OSBPL9: variants seen among roughly 807,000 people sequenced by gnomAD.
OSBPL9 encodes oxysterol binding protein like 9, also known as oxysterol-binding protein-related protein 9.
A neutral mutation model predicts 106.6 loss-of-function variants in OSBPL9; 40 were observed. The ratio of observed to expected loss-of-function variants is 0.38; its 90% CI spans 0.29 to 0.49. The LOEUF is 0.49. Among genes scored for constraint, OSBPL9 ranks in the 20% least tolerant of loss-of-function variants. The pLI is 0.97. For missense variants in OSBPL9, 609 were observed against 887.2 expected (o/e 0.69, Z 3.98); for synonymous variants, 269 against 295.4 (o/e 0.91, Z 0.92).
intron 1 of OSBPL9, among the ~76,000 whole-genome samples, chr1:51,587,319 C>T (rs909205648): frequency 1.9e-4 from 29 of 152,114 alleles, no homozygotes; most frequent in African/African-American, 6.8e-4. Flanking sequence ...GAGCTGAGAT[C>T]GTGCCACTGC....
intron 4 of OSBPL9, among the ~76,000 whole-genome samples, chr1:51,715,877 AC>A (rs1660962323): frequency 6.6e-6 from 1 of 151,662 alleles, no homozygotes; most frequent in Non-Finnish European, 1.5e-5. Context: ...TCTTCTATGA[AC>A]CCTCTGCCGA....
intron 8 of OSBPL9, among the ~76,000 whole-genome samples, chr1:51,753,219 T>TA (rs1669637492): frequency 6.6e-6 from 1 of 152,172 alleles, no homozygotes; most frequent in Non-Finnish European, 1.5e-5. Context: ...TGCATAGTCT[T>TA]AAAGAGCGTG....
At chr1:51,786,049 C>A (rs1677543380) in intron 21 of OSBPL9, 163 bp downstream of exon 21, 2 of 618,842 alleles carry the variant, frequency 3.2e-6, no homozygotes, top group South Asian at 3.8e-5. Context: ...CTCTTCAGGG[C>A]AAGCTTTTTC....
At chr1:51,643,286 T>C (rs1486628520) in intron 1 of OSBPL9, among the ~76,000 whole-genome samples, 1 of 152,146 alleles carries the variant, frequency 6.6e-6, no homozygotes, top group Non-Finnish European at 1.5e-5. Flanking sequence ...GATTTTATTT[T>C]CCCACAGTAT....
intron 2 of OSBPL9, among the ~76,000 whole-genome samples, chr1:51,661,699 C>T (rs1647166306): frequency 1.3e-5 from 2 of 152,104 alleles, no homozygotes; most frequent in African/African-American, 4.8e-5. Context: ...GTTAGTATAA[C>T]AAATAACTTT....
In OSBPL9 at chr1:51,782,645, T is replaced by C; in HGVS notation, c.1513+2T>C. 1 of 1,613,642 alleles carries C rather than the reference T, an allele frequency of 6.2e-7. No individual in the cohort carries two copies. Among genetic ancestry groups the C allele is most frequent in the Non-Finnish European group, 8.5e-7 (1 of 1,179,618 alleles). On this transcript the variant is annotated splice_donor_variant, in intron 17 of 23. Transcript: ENST00000428468. LOFTEE classifies it high-confidence loss of function. ...AGCAGGTTTCCCATCATCCACCCAG[T>C]AAGTTACAGAGCTCCTCTGCAACCT...
chr1:51,726,615 C>G lies in OSBPL9; in HGVS notation c.318+12536C>G, dbSNP rs200512674. Among the ~76,000 whole-genome samples, 8 of 150,646 alleles carry G rather than the reference C, an allele frequency of 5.3e-5. No individual in the cohort carries two copies. The East Asian group carries it at 1.5e-3, about 29-fold the overall frequency. On this transcript the variant is annotated intron_variant, in intron 4 of 23. Coordinates refer to ENST00000428468, the MANE Select transcript of OSBPL9 (RefSeq NM_024586.6). ...ATAGGCACGGCCTATTTTTTTTTTG[C>G]TCAACAGTCTAAAATAGTAATTTAA...
At chr1:51,748,877 G>A (rs1030306524) in intron 7 of OSBPL9, among the ~76,000 whole-genome samples, 1 of 152,022 alleles carries the variant, frequency 6.6e-6, no homozygotes, top group Non-Finnish European at 1.5e-5. Context: ...CCTGAGGTTG[G>A]GAGTTCCAGA....
chr1:51,601,030 A>G (rs1219364687), intron 2 of OSBPL9, among the ~76,000 whole-genome samples: 1 of 152,134 alleles, frequency 6.6e-6, no homozygotes, highest in African/African-American at 2.4e-5. Flanking sequence ...TTAATTTTTT[A>G]TTTGTTCAGT....
intron 3 of OSBPL9, among the ~76,000 whole-genome samples, chr1:51,713,401 C>T (rs531111152): frequency 2.6e-5 from 4 of 152,256 alleles, no homozygotes; most frequent in African/African-American, 9.6e-5. Context: ...CCGCCCGCCT[C>T]AGCCTCCCAA....
At chr1:51,594,264 A>AAATT (rs1403055073) in intron 1 of OSBPL9, among the ~76,000 whole-genome samples, 3 of 152,032 alleles carry the variant, frequency 2.0e-5, no homozygotes, top group Non-Finnish European at 4.4e-5. Flanking sequence ...ATAAATAAAT[A>AAATT]GCCGGGCGTG....
intron 4 of OSBPL9, among the ~76,000 whole-genome samples, chr1:51,716,201 A>G (rs775635947): frequency 6.6e-6 from 1 of 152,258 alleles, no homozygotes; most frequent in Non-Finnish European, 1.5e-5. Flanking sequence ...CATTTAATGC[A>G]TGGAGAAGAT....
At chr1:51,774,083 G>A (rs565539982) in intron 14 of OSBPL9, among the ~76,000 whole-genome samples, 3 of 152,166 alleles carry the variant, frequency 2.0e-5, no homozygotes, top group South Asian at 2.1e-4. Flanking sequence ...ACTGGCAAGG[G>A]GGAGGCTAAA....
At chr1:51,667,818 G>T (rs1430785990) in intron 2 of OSBPL9, among the ~76,000 whole-genome samples, 2 of 152,120 alleles carry the variant, frequency 1.3e-5, no homozygotes, top group Non-Finnish European at 2.9e-5. Flanking sequence ...TGGTGATCTG[G>T]TACTGGTTCT....
At chr1:51,661,855 G>A (rs1310052224) in intron 2 of OSBPL9, among the ~76,000 whole-genome samples, 1 of 152,198 alleles carries the variant, frequency 6.6e-6, no homozygotes, top group African/African-American at 2.4e-5. Flanking sequence ...AATGGTGGTA[G>A]GAGAGAAATT....
chr1:51,742,408 T>C (rs1251625794), intron 4 of OSBPL9, among the ~76,000 whole-genome samples: 4 of 152,136 alleles, frequency 2.6e-5, no homozygotes, highest in Admixed American at 6.5e-5. Context: ...TAAAGGACTA[T>C]ATTCTTAGTC....
intron 12 of OSBPL9, among the ~76,000 whole-genome samples, chr1:51,771,805 A>G (rs1047630407): frequency 2.6e-5 from 4 of 152,220 alleles, no homozygotes; most frequent in Non-Finnish European, 5.9e-5. Flanking sequence ...ATACCCAGTA[A>G]CAAAATCATA....
intron 2 of OSBPL9, among the ~76,000 whole-genome samples, chr1:51,656,289 A>G (rs912530836): frequency 6.6e-6 from 1 of 152,318 alleles, no homozygotes; most frequent in African/African-American, 2.4e-5. Context: ...ATGGATGACA[A>G]CGATGATGAT....
chr1:51,786,086 G>GC (rs1677556796), intron 21 of OSBPL9, 200 bp downstream of exon 21: 1 of 563,262 alleles, frequency 1.8e-6, no homozygotes. Context: ...TCTCCCAGCA[G>GC]TATAGGTAAT....
Sources: allele counts gnomAD v4.1 joint callset (sites outside exome capture counted in the v4.1 genomes callset), GRCh38; gene constraint gnomAD v4.1.1; transcripts MANE v1.5; gene names NCBI Gene and HGNC (gene_info 2026-07-23, HGNC 2026-07-21).